STAT3: variants seen among roughly 807,000 people sequenced by gnomAD.
STAT3 encodes signal transducer and activator of transcription 3.
STAT3 carries 7 observed loss-of-function variants against 114.3 expected under a neutral mutation model. The ratio of observed to expected loss-of-function variants is 0.06; its 90% CI spans 0.03 to 0.11. STAT3 has a LOEUF of 0.11. STAT3 is among the 10% of genes least tolerant of loss of function. The pLI is 1.00. For missense variants in STAT3, 364 were observed against 960.9 expected (o/e 0.38, Z 8.21); for synonymous variants, 331 against 354.5 (o/e 0.93, Z 0.74).
chr17:42,351,435 T>A (rs1017323050), intron 1 of STAT3, among the ~76,000 whole-genome samples: 1 of 152,054 alleles, frequency 6.6e-6, no homozygotes, highest in African/African-American at 2.4e-5. Context: ...GGGGTCCTAC[T>A]GTGTTGCCCA....
At position 42,330,193 on chromosome 17, in the gene STAT3, C is replaced by T. The variant is rs547492858; in HGVS notation, c.1110-417G>A. Among the ~76,000 whole-genome samples the T allele has an allele frequency of 2.1e-3, 306 of 147,842 alleles. 2 individuals carry two copies. The highest frequency in any genetic ancestry group is 7.1e-3 in the African/African-American group (285 of 40,192). On this transcript the variant is annotated intron_variant, in intron 11 of 23. Coordinates refer to ENST00000264657, the MANE Select transcript of STAT3 (RefSeq NM_139276.3). Reference sequence around the variant, plus strand: ...GTGCAATGGTGTGATCTCGGCTCACCACAACCTCCACCTCCTGAGTTCAAG... The same window carrying T: ...GTGCAATGGTGTGATCTCGGCTCACTACAACCTCCACCTCCTGAGTTCAAG...
intron 1 of STAT3, among the ~76,000 whole-genome samples, chr17:42,353,392 A>AGAAAG (rs1364087081): frequency 6.6e-6 from 1 of 151,604 alleles, no homozygotes; most frequent in African/African-American, 2.4e-5. Flanking sequence ...AGAAAAGAAA[A>AGAAAG]GAAAAGAAAA....
At chr17:42,343,455 C>CTTTTT (rs34846688) in intron 4 of STAT3, among the ~76,000 whole-genome samples, 35 of 99,142 alleles carry the variant, frequency 3.5e-4, no homozygotes, top group African/African-American at 6.3e-4. Flanking sequence ...TCAGATCTTT[C>CTTTTT]TTTTTTTTTT....
chr17:42,385,410 G>A (rs2085042370), intron 1 of STAT3, among the ~76,000 whole-genome samples: 1 of 151,394 alleles, frequency 6.6e-6, no homozygotes, highest in Admixed American at 6.6e-5. Context: ...TCAGGAGGCT[G>A]AGGTGCGAGA....
intron 18 of STAT3, 40 bp downstream of exon 18, chr17:42,323,533 A>G: frequency 6.2e-7 from 1 of 1,609,354 alleles, no homozygotes; most frequent in Non-Finnish European, 8.5e-7. Flanking sequence ...CGTGCAGGTG[A>G]GCATTCCCAT....
intron 6 of STAT3, 141 bp downstream of exon 6, chr17:42,338,590 G>A: frequency 5.4e-6 from 4 of 745,028 alleles, no homozygotes; most frequent in Non-Finnish European, 4.7e-6. Flanking sequence ...TGTCCTTAAT[G>A]ACCAGGCTCC....
rs2144877905 is a variant in STAT3, at chr17:42,337,780, G to A, written c.628C>T (p.Leu210=). The change falls in exon 7 of 24, where the codon CTG becomes TTG. Residue 210 remains leucine, a synonymous_variant. Transcript: ENST00000264657. The surrounding 1 kb of genome is among the most constrained non-coding windows in gnomAD (Gnocchi z 4.0). ...GCCCTTACTCTCCGCATCTGGTCCA[G>A]CGCAGTGAGCATCTGTTCCAGCTGC... ...MQQLEQMLTA[L]DQMRRSIVSE... is the part of the protein sequence containing the mutation. The A allele has an allele frequency of 6.2e-7, 1 of 1,614,242 alleles. No individual in the cohort carries two copies. The highest frequency in any genetic ancestry group is 1.1e-5 in the South Asian group (1 of 91,080).
At chr17:42,331,633 A>C in intron 10 of STAT3, 102 bp from the exon 11 acceptor site, 1 of 967,448 alleles carries the variant, frequency 1.0e-6, no homozygotes, top group Non-Finnish European at 1.6e-6. Context: ...CCAACAGGTA[A>C]ATAGGCCAAG....
rs1598397036 is a variant in STAT3 at position 42,324,771 on chromosome 17, A to T, written c.1540T>A (p.Ser514Thr). ...ATGCTCAGTCCTCGCTTGGTGGTGG[A>T]GGAGAACTGCCAGCTCAGGACCTCG... The part of the protein sequence containing the change: ...VAEVLSWQFS[S>T]TTKRGLSIEQ... The change falls in exon 17 of 24, where the codon TCC (serine) becomes ACC (threonine). Residue 514 changes from serine (S) to threonine (T), a missense_variant. By Grantham distance (58) the Ser-to-Thr change is moderately conservative (BLOSUM62 1). Transcript: ENST00000264657. The surrounding 1 kb of genome is among the most constrained non-coding windows in gnomAD (Gnocchi z 4.5). The T allele has an allele frequency of 6.2e-7, 1 of 1,614,088 alleles. No homozygotes were observed. The highest frequency in any genetic ancestry group is 8.5e-7 in the Non-Finnish European group (1 of 1,180,032).
At chr17:42,368,854 A>G (rs904808030) in intron 1 of STAT3, among the ~76,000 whole-genome samples, 1 of 151,940 alleles carries the variant, frequency 6.6e-6, no homozygotes, top group African/African-American at 2.4e-5. Context: ...TTAAGTATTA[A>G]GCCCAATACC....
intron 1 of STAT3, among the ~76,000 whole-genome samples, chr17:42,351,024 G>A (rs759389154): frequency 9.9e-5 from 15 of 151,552 alleles, no homozygotes; most frequent in Non-Finnish European, 2.1e-4. Flanking sequence ...CCAGCTACTA[G>A]GGAGGCTGAG....
chr17:42,365,372 C>T (rs1306461316), intron 1 of STAT3, among the ~76,000 whole-genome samples: 1 of 152,272 alleles, frequency 6.6e-6, no homozygotes, highest in Non-Finnish European at 1.5e-5. Context: ...TACCCCCAGC[C>T]GCTTGAGTTT....
chr17:42,332,505 T>G (rs1436955526), intron 10 of STAT3, among the ~76,000 whole-genome samples: 1 of 126,916 alleles, frequency 7.9e-6, no homozygotes, highest in South Asian at 2.6e-4. Context: ...ACCTCAGCAC[T>G]CTAGCCTGGG....
At chr17:42,330,554 G>C (rs1014308357) in intron 11 of STAT3, among the ~76,000 whole-genome samples, 1 of 151,028 alleles carries the variant, frequency 6.6e-6, no homozygotes, top group Admixed American at 6.6e-5. Context: ...TCAGCCTCCT[G>C]AGTAGCTGGG....
At position 42,317,104 on chromosome 17, in the gene STAT3, T is replaced by G. The variant is rs985505266; in HGVS notation, c.2144+78A>C. 2.9e-5 allele frequency: 46 copies of G among 1,604,706 alleles called. 1 individual carries two copies. The highest frequency in any genetic ancestry group is 2.0e-4 in the East Asian group (9 of 44,814). On this transcript the variant is annotated intron_variant, in intron 22 of 23. Coordinates refer to ENST00000264657, the MANE Select transcript of STAT3 (RefSeq NM_139276.3). ...GGCTTCCAACCTTTGGCAGATTAAC[T>G]CTCACCCAGTGTCCCATTCCCAGGG...
At chr17:42,382,728 GC>G (rs2084869730) in intron 1 of STAT3, among the ~76,000 whole-genome samples, 1 of 151,286 alleles carries the variant, frequency 6.6e-6, no homozygotes, top group African/African-American at 2.4e-5. Context: ...CTCACTGCAA[GC>G]TCCGCCTCCA....
intron 17 of STAT3, 78 bp from the exon 18 acceptor site, chr17:42,323,703 C>T (rs2081582025): frequency 2.2e-6 from 3 of 1,366,138 alleles, no homozygotes; most frequent in Non-Finnish European, 2.1e-6. Context: ...AGAACACACA[C>T]ACATTCATCC....
intron 1 of STAT3, among the ~76,000 whole-genome samples, chr17:42,369,617 G>A (rs931887934): frequency 6.6e-6 from 1 of 152,050 alleles, no homozygotes; most frequent in African/African-American, 2.4e-5. Flanking sequence ...CAGCATTTTT[G>A]TTCTTGTTGT....
Position 42,337,346 on chromosome 17 carries a change from AT to A in STAT3, c.797+88del. 1 of 1,552,198 alleles carries A rather than the reference AT, an allele frequency of 6.4e-7. No individual in the cohort carries two copies. Among genetic ancestry groups the A allele is most frequent in the East Asian group, 2.3e-5 (1 of 44,244 alleles). ...ATATGGAAAAGTCCCCACGTTGGAG[AT>A]ATAGTACCAATTCTGTGGGCCTGCA... On this transcript the variant is annotated intron_variant, in intron 8 of 23. Transcript: ENST00000264657. The surrounding 1 kb of genome is among the most constrained non-coding windows in gnomAD (Gnocchi z 4.0).
Sources: gnomAD v4.1 joint callset for allele counts (sites outside exome capture counted in the v4.1 genomes callset) on GRCh38, gnomAD v4.1.1 for gene constraint, Gnocchi (gnomAD v3.1) non-coding constraint, MANE v1.5 for transcripts, NCBI Gene and HGNC (gene_info 2026-07-23, HGNC 2026-07-21) for gene names.